The following SLC17A1 variants were observed in gnomAD, a reference collection of about 807,000 sequenced individuals.
The protein encoded by SLC17A1 is solute carrier family 17 member 1, also known as sodium-dependent phosphate transport protein 1.
SLC17A1 carries 51 observed loss-of-function variants against 53.5 expected under a neutral mutation model. The observed-to-expected ratio is 0.95, with a 90% CI of 0.76 to 1.20. The LOEUF (loss-of-function observed/expected upper bound fraction) is 1.20. SLC17A1 is among the 50% of genes most tolerant of loss of function. The probability of loss-of-function intolerance (pLI) is 0.00; values close to 1 mark genes in which losing one functional copy is unlikely to be tolerated. For missense variants in SLC17A1, 538 were observed against 568.2 expected (o/e 0.95, Z 0.54); for synonymous variants, 179 against 198.8 (o/e 0.90, Z 0.84).
chr6:25,743,305 A>AATAC, the SLC17A1 span, among the ~76,000 whole-genome samples: 1 of 152,216 alleles, frequency 6.6e-6, no homozygotes, highest in Non-Finnish European at 1.5e-5. Flanking sequence ...CGAATGAAAC[A>AATAC]AATTGTATTT....
chr6:25,735,613 T>G, the SLC17A1 span, among the ~76,000 whole-genome samples: 2 of 152,156 alleles, frequency 1.3e-5, no homozygotes, highest in Non-Finnish European at 1.5e-5. Context: ...TACCTTTTAT[T>G]CCATGACCAA....
chr6:25,815,853 G>T (rs968597923), intron 6 of SLC17A1, among the ~76,000 whole-genome samples: 1 of 151,220 alleles, frequency 6.6e-6, no homozygotes, highest in African/African-American at 2.4e-5. Flanking sequence ...ATAACTGCCC[G>T]GTAGCAAGGG....
chr6:25,733,653 GCCTTTGGTTTGAGA>G, the SLC17A1 span, among the ~76,000 whole-genome samples: 1 of 151,588 alleles, frequency 6.6e-6, no homozygotes, highest in Non-Finnish European at 1.5e-5. Flanking sequence ...CCTATAATTA[GCCTTTGGTTTGAGA>G]TATAATGGAC....
the SLC17A1 span, chr6:25,727,112 C>G: frequency 2.5e-6 from 4 of 1,614,226 alleles, no homozygotes; most frequent in African/African-American, 5.3e-5. Context: ...ATTCCTTCGT[C>G]ACTGATATCT....
intron 3 of SLC17A1, among the ~76,000 whole-genome samples, chr6:25,822,804 CA>C (rs1228170481): frequency 2.0e-5 from 3 of 151,954 alleles, no homozygotes; most frequent in African/African-American, 7.3e-5. Flanking sequence ...AGATTTTATA[CA>C]AAATAGATTT....
the SLC17A1 span, among the ~76,000 whole-genome samples, chr6:25,772,620 T>C: frequency 2.6e-5 from 4 of 152,344 alleles, no homozygotes; most frequent in African/African-American, 9.6e-5. Context: ...ATTCATTTCA[T>C]TTCATATCTA....
chr6:25,826,452 T>C lies in SLC17A1; in HGVS notation c.207+9A>G, dbSNP rs769438123. The C allele has an allele frequency of 8.8e-6, 14 of 1,582,398 alleles. No individual in the cohort carries two copies. The highest frequency in any genetic ancestry group is 1.2e-5 in the Non-Finnish European group (14 of 1,165,360). ...AAACATTTGACTGTGGGGAAAATTA[T>C]TGATGTACCTTTATATTATCCAGGA... On this transcript the variant is annotated intron_variant, in intron 3 of 12. Transcript: ENST00000244527.
the SLC17A1 span, among the ~76,000 whole-genome samples, chr6:25,743,542 A>G: frequency 1.3e-5 from 2 of 152,246 alleles, no homozygotes; most frequent in Non-Finnish European, 2.9e-5. Context: ...AAGGAAAACA[A>G]GACAACCTGA....
At chr6:25,802,424 TC>T (rs1385454893) in intron 10 of SLC17A1, among the ~76,000 whole-genome samples, 3 of 152,180 alleles carry the variant, frequency 2.0e-5, no homozygotes, top group African/African-American at 7.2e-5. Flanking sequence ...ATTTTTCCTC[TC>T]CATTTCTCTT....
chr6:25,775,952 A>G, the SLC17A1 span, among the ~76,000 whole-genome samples: 12 of 152,312 alleles, frequency 7.9e-5, no homozygotes, highest in African/African-American at 2.9e-4. Flanking sequence ...ATCTTTGAGC[A>G]ATGCTGCAGT....
At chr6:25,727,196 T>G in the SLC17A1 span, 1 of 1,614,156 alleles carries the variant, frequency 6.2e-7, no homozygotes, top group Non-Finnish European at 8.5e-7. Flanking sequence ...CCAGAGAGAT[T>G]CAGACAGCAG....
chr6:25,823,725 C>T (rs549177810), intron 3 of SLC17A1, among the ~76,000 whole-genome samples: 22 of 152,044 alleles, frequency 1.4e-4, no homozygotes, highest in African/African-American at 5.3e-4. Context: ...ATATGTGCCC[C>T]TGTCACTGGC....
chr6:25,777,268 A>G, the SLC17A1 span: 1 of 308,826 alleles, frequency 3.2e-6, no homozygotes, highest in Admixed American at 4.7e-5. Context: ...CACTGAAAGA[A>G]ATCTTGAGAT....
At chr6:25,790,316 AC>A (rs1554128374) in intron 12 of SLC17A1, among the ~76,000 whole-genome samples, 2 of 152,186 alleles carry the variant, frequency 1.3e-5, no homozygotes, top group Non-Finnish European at 2.9e-5. Context: ...TCCGTCCACA[AC>A]ATTATTCACT....
At chr6:25,829,928 AAT>A (rs1278731104) in intron 2 of SLC17A1, among the ~76,000 whole-genome samples, 2 of 152,202 alleles carry the variant, frequency 1.3e-5, no homozygotes, top group Admixed American at 6.5e-5. Flanking sequence ...AAACAATCAA[AAT>A]AATTAAGTAT....
chr6:25,742,691 C>T, the SLC17A1 span, among the ~76,000 whole-genome samples: 12 of 152,024 alleles, frequency 7.9e-5, no homozygotes, highest in Non-Finnish European at 1.5e-4. Context: ...GTAGTCCTAC[C>T]TACTCAAGGG....
At chr6:25,737,374 T>G in the SLC17A1 span, among the ~76,000 whole-genome samples, 26 of 152,160 alleles carry the variant, frequency 1.7e-4, no homozygotes, top group Non-Finnish European at 2.6e-4. Context: ...ATTTTCCCTA[T>G]CCCTATGATT....
At chr6:25,745,166 G>T in the SLC17A1 span, among the ~76,000 whole-genome samples, 2 of 152,196 alleles carry the variant, frequency 1.3e-5, no homozygotes, top group African/African-American at 4.8e-5. Flanking sequence ...AAAATTGATA[G>T]AATTTTTACA....
chr6:25,819,719 C>T lies in SLC17A1; in HGVS notation c.404G>A (p.Trp135Ter), dbSNP rs781571945. ...CTGAACTGCTCGACATACAACGACC[C>T]AAGCTACTCCAATTCCAGCTGCTGG... Reference protein sequence around the residue: ...IPPAAGIGVAWVVVCRAVQGA... With the variant: ...IPPAAGIGVA The change falls in exon 4 of 13, where the codon TGG becomes TAG. Residue 135 changes from tryptophan to a stop codon, truncating the protein, a stop_gained. Coordinates refer to ENST00000244527, the MANE Select transcript of SLC17A1 (RefSeq NM_005074.5). LOFTEE classifies it high-confidence loss of function. 3.1e-6 allele frequency: 5 copies of T among 1,614,096 alleles called. No homozygotes were observed. The highest frequency in any genetic ancestry group is 4.2e-6 in the Non-Finnish European group (5 of 1,180,048).
Sources: gnomAD v4.1 joint callset for allele counts (sites outside exome capture counted in the v4.1 genomes callset) on GRCh38, gnomAD v4.1.1 for gene constraint, MANE v1.5 for transcripts, NCBI Gene and HGNC (gene_info 2026-07-23, HGNC 2026-07-21) for gene names.